RSPO2: variants seen among roughly 807,000 people sequenced by gnomAD.
RSPO2 encodes R-spondin 2.
RSPO2 carries 14 observed loss-of-function variants against 30.9 expected under a neutral mutation model. That is an observed-to-expected ratio of 0.45 (90% CI 0.30 to 0.71). RSPO2 has a LOEUF of 0.71. RSPO2 is among the 30% of genes least tolerant of loss of function. The probability of loss-of-function intolerance (pLI) is 0.08; values close to 1 mark genes in which losing one functional copy is unlikely to be tolerated. For missense variants in RSPO2, 264 were observed against 301.9 expected, an observed-to-expected ratio of 0.87 and a Z score of 0.93; for synonymous variants, 107 against 96.4, an observed-to-expected ratio of 1.11 and a Z score of -0.64.
At chr8:107,907,189 G>A (rs1348276687) in intron 5 of RSPO2, among the ~76,000 whole-genome samples, 1 of 151,966 alleles carries the variant, frequency 6.6e-6, no homozygotes, top group African/African-American at 2.4e-5. Flanking sequence ...AGAAGTGAGG[G>A]TAAGGTGGAA....
intron 5 of RSPO2, among the ~76,000 whole-genome samples, chr8:107,911,639 GTAT>G (rs1382632980): frequency 6.6e-6 from 1 of 152,096 alleles, no homozygotes; most frequent in Non-Finnish European, 1.5e-5. Context: ...TGCCCTACTT[GTAT>G]TATTTCTAAT....
At chr8:108,035,750 C>T (rs73321454) in intron 2 of RSPO2, among the ~76,000 whole-genome samples, 4,742 of 151,950 alleles carry the variant, frequency 0.031, 236 homozygotes, top group African/African-American at 0.11. Context: ...GGATTACAGG[C>T]AATTCCTCAC....
rs200748322 is a variant in RSPO2, at chr8:107,961,306, CATCAGAG to C, written c.284-496_284-490del. 9.2e-3 allele frequency among the ~76,000 whole-genome samples: 1,403 copies of C among 152,250 alleles called. 17 individuals carry two copies. Among genetic ancestry groups the C allele is most frequent in the African/African-American group, 0.03 (1,258 of 41,556 alleles). ...ACTGGTCAATGCTAGCACCTACATT[CATCAGAG>C]GGTGACCTGGGTGGGGCATGGGGGT... On this transcript the variant is annotated intron_variant, in intron 3 of 5. Transcript: ENST00000276659.
chr8:107,964,443 C>T (rs1391704566), intron 3 of RSPO2, among the ~76,000 whole-genome samples: 1 of 152,122 alleles, frequency 6.6e-6, no homozygotes, highest in Non-Finnish European at 1.5e-5. Context: ...GGGGTTTCAC[C>T]ATGTTGGTCA....
chr8:108,006,600 C>A (rs1815460635), intron 2 of RSPO2, among the ~76,000 whole-genome samples: 2 of 146,616 alleles, frequency 1.4e-5, no homozygotes, highest in African/African-American at 5.1e-5. Flanking sequence ...TACTGGCAAA[C>A]TGATTCTGAA....
At chr8:107,998,942 G>A (rs1224334033) in intron 2 of RSPO2, among the ~76,000 whole-genome samples, 1 of 152,160 alleles carries the variant, frequency 6.6e-6, no homozygotes, top group Non-Finnish European at 1.5e-5. Context: ...AGCTACTCAG[G>A]AGGCTGAGAC....
chr8:108,001,157 A>C (rs909850742), intron 2 of RSPO2, among the ~76,000 whole-genome samples: 4 of 152,148 alleles, frequency 2.6e-5, no homozygotes, highest in Non-Finnish European at 5.9e-5. Flanking sequence ...GCGCCCCTGC[A>C]CTCCAGCCTG....
chr8:107,996,695 A>T (rs1368995132), intron 2 of RSPO2, among the ~76,000 whole-genome samples: 6 of 152,192 alleles, frequency 3.9e-5, no homozygotes, highest in Non-Finnish European at 8.8e-5. Context: ...AGAAGTATAG[A>T]GAAAAGAGAA....
intron 2 of RSPO2, among the ~76,000 whole-genome samples, chr8:108,067,268 G>A (rs1285267824): frequency 1.3e-5 from 2 of 152,060 alleles, no homozygotes; most frequent in Non-Finnish European, 2.9e-5. Context: ...AGGCAATTGG[G>A]GAAATCCATT....
chr8:108,056,392 G>GT (rs1812244049), intron 2 of RSPO2, among the ~76,000 whole-genome samples: 1 of 151,950 alleles, frequency 6.6e-6, no homozygotes, highest in Non-Finnish European at 1.5e-5. Flanking sequence ...GCCAAAGCAG[G>GT]CAGATCGCTT....
At chr8:107,998,809 G>A (rs1034908154) in intron 2 of RSPO2, among the ~76,000 whole-genome samples, 20 of 152,124 alleles carry the variant, frequency 1.3e-4, no homozygotes, top group African/African-American at 4.3e-4. Flanking sequence ...CACTTTGGAA[G>A]GCTGAGGCAG....
chr8:108,077,062 C>T (rs1201973086), intron 2 of RSPO2, among the ~76,000 whole-genome samples: 1 of 152,144 alleles, frequency 6.6e-6, no homozygotes, highest in African/African-American at 2.4e-5. Context: ...ATTAAGAAAC[C>T]CCTTTCTAAA....
At chr8:107,961,903 C>A (rs1202683849) in intron 3 of RSPO2, among the ~76,000 whole-genome samples, 5 of 152,152 alleles carry the variant, frequency 3.3e-5, no homozygotes, top group Non-Finnish European at 7.3e-5. Flanking sequence ...CCCTGGTAGG[C>A]CAGAACATCT....
At chr8:108,013,029 T>A (rs1810757630) in intron 2 of RSPO2, among the ~76,000 whole-genome samples, 1 of 152,190 alleles carries the variant, frequency 6.6e-6, no homozygotes, top group Non-Finnish European at 1.5e-5. Flanking sequence ...GTGGAAAGAA[T>A]GGCTGTTCTT....
Position 108,005,324 on chromosome 8 carries a change from G to A in RSPO2, c.95-16080C>T, listed in dbSNP as rs1005556056. 2.6e-5 allele frequency among the ~76,000 whole-genome samples: 4 copies of A among 152,112 alleles called. No homozygotes were observed. In the East Asian group the frequency reaches 7.7e-4, roughly 29 times the overall value. Reference sequence around the variant, plus strand: ...CTTCTGTAATTGGTAAGTATTTTGAGAGGTGACATAGTAAAACTGTATAAA... The same window carrying A: ...CTTCTGTAATTGGTAAGTATTTTGAAAGGTGACATAGTAAAACTGTATAAA... On this transcript the variant is annotated intron_variant, in intron 2 of 5. Coordinates refer to ENST00000276659, the MANE Select transcript of RSPO2 (RefSeq NM_178565.5).
chr8:107,901,288 G>A (rs1453278006), intron 5 of RSPO2, 98 bp from the exon 6 acceptor site: 8 of 1,328,936 alleles, frequency 6.0e-6, no homozygotes, highest in Non-Finnish European at 8.1e-6. Flanking sequence ...AGCCCATCTG[G>A]AAAACATCAC....
chr8:108,064,050 A>C (rs1812573338), intron 2 of RSPO2, among the ~76,000 whole-genome samples: 1 of 152,334 alleles, frequency 6.6e-6, no homozygotes. Flanking sequence ...AAAGACTTAA[A>C]CGTTAGACCT....
chr8:108,061,155 T>C (rs1393180591), intron 2 of RSPO2, among the ~76,000 whole-genome samples: 5 of 151,760 alleles, frequency 3.3e-5, no homozygotes, highest in Admixed American at 3.3e-4. Flanking sequence ...GCTAACATCA[T>C]AATGACAGGA....
At chr8:108,049,289 G>A (rs556396187) in intron 2 of RSPO2, among the ~76,000 whole-genome samples, 17 of 151,842 alleles carry the variant, frequency 1.1e-4, no homozygotes, top group Admixed American at 1.0e-3. Flanking sequence ...CCAACCACAC[G>A]ATATATTCAT....
Sources: gnomAD v4.1 joint callset for allele counts (sites outside exome capture counted in the v4.1 genomes callset) on GRCh38, gnomAD v4.1.1 for gene constraint, MANE v1.5 for transcripts, NCBI Gene and HGNC (gene_info 2026-07-23, HGNC 2026-07-21) for gene names.